LRAT: variants seen among roughly 807,000 people sequenced by gnomAD.
The protein encoded by LRAT is lecithin retinol acyltransferase (phosphatidylcholine--retinol O-acyltransferase).
LRAT carries 11 observed loss-of-function variants against 14.2 expected under a neutral mutation model. The observed-to-expected ratio is 0.78, with a 90% confidence interval of 0.49 to 1.29. LRAT has a LOEUF of 1.29. LRAT is among the 50% of genes most tolerant of loss of function. The pLI, the probability that LRAT is intolerant of heterozygous loss-of-function variation, is 0.00. For missense variants in LRAT, 274 were observed against 292.4 expected (o/e 0.94, Z 0.46); for synonymous variants, 144 against 124.8 (o/e 1.15, Z -1.03).
At chr4:154,748,360 C>T (rs1380776711) in intron 2 of LRAT, 1 of 985,212 alleles carries the variant, frequency 1.0e-6, no homozygotes, top group African/African-American at 1.7e-5. Flanking sequence ...GAAAACATTA[C>T]ACATATTAGA....
chr4:154,741,949 T>C (rs1030724513), upstream of LRAT, among the ~76,000 whole-genome samples: 3 of 152,120 alleles, frequency 2.0e-5, no homozygotes, highest in Non-Finnish European at 4.4e-5. Flanking sequence ...AACCGTTAAT[T>C]ATCACGTTTC....
In LRAT at chr4:154,750,581, A is replaced by G. The variant is rs1047202880; in HGVS notation, c.*1445A>G. On this transcript the variant is annotated 3_prime_UTR_variant, in exon 3 of 3. Transcript: ENST00000336356. ...AATTTTAAGAGCAGATTTTAGATTA[A>G]TAATGTTTTATCACCACTAATTTGC... 4.6e-5 allele frequency: 7 copies of G among 152,152 alleles called. No individual in the cohort carries two copies. Among genetic ancestry groups the G allele is most frequent in the African/African-American group, 1.4e-4 (6 of 41,442 alleles). 9.4% of individuals were successfully genotyped at this position (152,152 alleles called of 1,614,324 possible).
At chr4:154,745,004 T>TA in intron 2 of LRAT, 138 bp downstream of exon 2, 2 of 578,456 alleles carry the variant, frequency 3.5e-6, no homozygotes, top group Non-Finnish European at 2.8e-6. Context: ...TTTTTCTTTT[T>TA]CCTTTTTTTT....
At chr4:154,748,459 A>T in intron 2 of LRAT, 1 of 887,916 alleles carries the variant, frequency 1.1e-6, no homozygotes. Context: ...AATTTAGCAT[A>T]TTTAGTCAGG....
At position 154,751,102 on chromosome 4, in the gene LRAT, ATAT is replaced by A. The variant is rs1201823988; in HGVS notation, c.*1974_*1976del. 6 of 152,188 alleles carry A rather than the reference ATAT, an allele frequency of 3.9e-5. No individual in the cohort carries two copies. 9.4% of individuals were successfully genotyped at this position (152,188 alleles called of 1,614,324 possible). ...GTTGCAATTTTATGGTCCAGAATTA[ATAT>A]TATTATTCGTAAACTAGCTATAATA... On this transcript the variant is annotated 3_prime_UTR_variant, in exon 3 of 3. Transcript: ENST00000336356.
Position 154,744,353 on chromosome 4 carries a change from G to T in LRAT, c.27G>T (p.Val9=). MKNPMLEV[V]SLLLEKLLLI... is the part of the protein sequence containing the mutation. ...TGAAGAACCCCATGCTGGAGGTGGT[G>T]TCTTTACTACTGGAGAAGCTGCTCC... Residue 9 remains valine (V), a synonymous_variant, in exon 2 of 3, where the codon GTG becomes GTT. Transcript: ENST00000336356. 1 of 1,614,140 alleles carries T rather than the reference G, an allele frequency of 6.2e-7. No individual in the cohort carries two copies. The highest frequency in any genetic ancestry group is 1.1e-5 in the South Asian group (1 of 91,082).
chr4:154,747,259 A>G (rs2111036261), intron 2 of LRAT, among the ~76,000 whole-genome samples: 1 of 152,312 alleles, frequency 6.6e-6, no homozygotes, highest in Admixed American at 6.5e-5. Context: ...CTATTTTACA[A>G]GTTTAGAAGT....
At chr4:154,744,264 GCCCAGCCCGGC>G (rs1325554707) in intron 1 of LRAT, 42 bp downstream of exon 1, 2 of 1,578,178 alleles carry the variant, frequency 1.3e-6, no homozygotes, top group South Asian at 2.2e-5. Context: ...AGCTTAACTT[GCCCAGCCCGGC>G]CCCTGCCGGA....
upstream of LRAT, chr4:154,743,966 G>C (rs1415836350): frequency 2.4e-5 from 5 of 206,982 alleles, no homozygotes; most frequent in African/African-American, 7.0e-5. Flanking sequence ...CCCCCTCGAC[G>C]GCCATAAAAA....
rs773276461 is a variant in LRAT, at chr4:154,750,660, A to G, written c.*1524A>G. On this transcript the variant is annotated 3_prime_UTR_variant, in exon 3 of 3. Transcript: ENST00000336356. ...AAATTAAATATTAAATTATTTAAGT[A>G]TTTTAAATAATTAAAACATTAAATG... is the stretch of plus-strand genomic sequence containing the variant. The G allele has an allele frequency of 6.6e-6, 1 of 152,062 alleles. No individual in the cohort carries two copies. The highest frequency in any genetic ancestry group is 1.5e-5 in the Non-Finnish European group (1 of 67,986). The allele number at this position is 152,062 out of a possible 1,614,324, so 9.4% of individuals were successfully genotyped here.
rs774998317 is a variant in LRAT at position 154,744,640 on chromosome 4, T to A, written c.314T>A (p.Val105Glu). The change falls in exon 2 of 3, where the codon GTG (valine) becomes GAG (glutamate). Residue 105 changes from valine to glutamate, a missense_variant. Val to Glu is a moderately radical substitution (Grantham distance 121, BLOSUM62 -2). Coordinates refer to ENST00000336356, the MANE Select transcript of LRAT (RefSeq NM_004744.5). ...CTCATCCTGGGCGTTATTGTCAAAG[T>A]GGCCAGCATCCGCGTGGACACAGTG... ...KRLILGVIVK[V>E]ASIRVDTVED... 1.2e-5 allele frequency: 19 copies of A among 1,614,146 alleles called. No homozygotes were observed. The Admixed American group carries it at 3.2e-4, about 27-fold the overall frequency.
Position 154,748,916 on chromosome 4 carries a change from T to G in LRAT, c.541-68T>G, listed in dbSNP as rs183580721. 668 of 1,423,560 alleles carry G rather than the reference T, an allele frequency of 4.7e-4. 4 individuals are homozygous for G. The African/African-American group carries it at 6.7e-3, about 14-fold the overall frequency. 88.2% of individuals were successfully genotyped at this position (1,423,560 alleles called of 1,614,324 possible). A position where few individuals can be genotyped will look rare whatever the true frequency, so the allele number is the denominator to read the frequency against. On this transcript the variant is annotated intron_variant, in intron 2 of 2. Coordinates refer to ENST00000336356, the MANE Select transcript of LRAT (RefSeq NM_004744.5). Reference sequence around the variant, plus strand: ...AAAATAGCTGGGAAAACTGATTTACTGTTTGATATATGTGATTCTTCTTGG... The same window carrying G: ...AAAATAGCTGGGAAAACTGATTTACGGTTTGATATATGTGATTCTTCTTGG...
At chr4:154,743,654 A>G (rs1732810997), upstream of LRAT, among the ~76,000 whole-genome samples, 1 of 152,084 alleles carries the variant, frequency 6.6e-6, no homozygotes, top group African/African-American at 2.4e-5. Context: ...ATCTCTCCCA[A>G]GAGGACTTTC....
chr4:154,746,130 T>G (rs1732881279), intron 2 of LRAT, among the ~76,000 whole-genome samples: 1 of 152,240 alleles, frequency 6.6e-6, no homozygotes, highest in Admixed American at 6.5e-5. Flanking sequence ...CACTTACAAT[T>G]GGAAACTTTC....
At chr4:154,748,020 C>T (rs1479954264) in intron 2 of LRAT, among the ~76,000 whole-genome samples, 1 of 152,090 alleles carries the variant, frequency 6.6e-6, no homozygotes, top group Non-Finnish European at 1.5e-5. Context: ...CCTAAAAGAA[C>T]ATAAAATGCC....
chr4:154,742,057 T>C (rs934023229), upstream of LRAT, among the ~76,000 whole-genome samples: 10 of 151,902 alleles, frequency 6.6e-5, 1 homozygote, highest in South Asian at 6.2e-4. Flanking sequence ...GAGTGTGAGG[T>C]CGGGTCTGCA....
upstream of LRAT, among the ~76,000 whole-genome samples, chr4:154,743,218 G>A (rs2111030324): frequency 6.6e-6 from 1 of 151,676 alleles, no homozygotes; most frequent in South Asian, 2.1e-4. Context: ...GGGCGCGGTG[G>A]CTCACGCCTG....
chr4:154,749,441 T>G lies in LRAT; in HGVS notation c.*305T>G, dbSNP rs1203204683. 3.0e-6 allele frequency: 1 copy of G among 331,266 alleles called. No individual in the cohort carries two copies. Among genetic ancestry groups the G allele is most frequent in the Non-Finnish European group, 5.8e-6 (1 of 172,874 alleles). 20.5% of individuals were successfully genotyped at this position (331,266 alleles called of 1,614,324 possible). The stretch of plus-strand genomic sequence containing the variant: ...TGATAGCCACAAGAGATTAATTGTG[T>G]TTTTTTTTCTCCTGTAATCCTTGTA... On this transcript the variant is annotated 3_prime_UTR_variant, in exon 3 of 3. Transcript: ENST00000336356.
intron 2 of LRAT, 26 bp downstream of exon 2, chr4:154,744,892 G>A: frequency 6.2e-7 from 1 of 1,609,716 alleles, no homozygotes; most frequent in Non-Finnish European, 8.5e-7. Context: ...CCCAGGGGAA[G>A]TGGGCTCCGC....
Sources: allele counts gnomAD v4.1 joint callset (sites outside exome capture counted in the v4.1 genomes callset), GRCh38; gene constraint gnomAD v4.1.1; transcripts MANE v1.5; gene names NCBI Gene and HGNC (gene_info 2026-07-23, HGNC 2026-07-21).